The following ASIC2 variants were observed in gnomAD, a reference collection of about 807,000 sequenced individuals.
ASIC2 encodes the protein acid-sensing ion channel 2.
Under a neutral mutation model 57.3 loss-of-function variants are expected in ASIC2, and 25 were observed. That is an observed-to-expected ratio of 0.44 (90% CI 0.32 to 0.61). ASIC2 has a LOEUF of 0.61. Among genes scored for constraint, ASIC2 ranks in the 20% least tolerant of loss-of-function variants. The probability of loss-of-function intolerance (pLI) is 0.06; values close to 1 mark genes in which losing one functional copy is unlikely to be tolerated. For missense variants in ASIC2, 641 were observed against 738.1 expected, an observed-to-expected ratio of 0.87 and a Z score of 1.52; for synonymous variants, 319 against 307.5, an observed-to-expected ratio of 1.04 and a Z score of -0.39.
At chr17:33,929,454 A>C (rs1476903309) in intron 1 of ASIC2, among the ~76,000 whole-genome samples, 1 of 152,210 alleles carries the variant, frequency 6.6e-6, no homozygotes, top group Non-Finnish European at 1.5e-5. Context: ...ACGTTCACCA[A>C]GTAGCCCTGG....
chr17:33,694,793 G>T (rs1043205846), intron 1 of ASIC2, among the ~76,000 whole-genome samples: 3 of 152,094 alleles, frequency 2.0e-5, no homozygotes, highest in African/African-American at 7.2e-5. Context: ...CATCTCTCAG[G>T]GTGAGTGGGA....
chr17:33,392,173 TCC>T (rs1909917087), intron 1 of ASIC2, among the ~76,000 whole-genome samples: 7 of 20,026 alleles, frequency 3.5e-4, no homozygotes, highest in Non-Finnish European at 7.2e-4. Flanking sequence ...TTTCCTTTCT[TCC>T]TTCCTTCCTT....
chr17:33,834,113 A>G (rs1038289533), intron 1 of ASIC2: 1 of 152,262 alleles, frequency 6.6e-6, no homozygotes, highest in Non-Finnish European at 1.5e-5. Context: ...GCATGTTTAG[A>G]CAGTTTAACT....
chr17:33,063,149 T>A (rs552235869), intron 3 of ASIC2, among the ~76,000 whole-genome samples: 4 of 152,372 alleles, frequency 2.6e-5, no homozygotes, highest in African/African-American at 7.2e-5. Context: ...TTGGAGCATT[T>A]AGCACATTTA....
At chr17:33,980,338 C>G (rs199664889) in intron 1 of ASIC2, among the ~76,000 whole-genome samples, 1 of 152,222 alleles carries the variant, frequency 6.6e-6, no homozygotes, top group Non-Finnish European at 1.5e-5. Context: ...GTGTCTCCAT[C>G]TCTACCACTT....
intron 1 of ASIC2, among the ~76,000 whole-genome samples, chr17:33,859,795 C>T (rs1021466295): frequency 2.0e-5 from 3 of 152,162 alleles, no homozygotes; most frequent in Non-Finnish European, 4.4e-5. Flanking sequence ...AGCTATCCTC[C>T]CATCTCAGCC....
chr17:33,073,866 T>A (rs546960364), intron 3 of ASIC2, among the ~76,000 whole-genome samples: 1 of 152,006 alleles, frequency 6.6e-6, no homozygotes, highest in African/African-American at 2.4e-5. Flanking sequence ...TTTGAGGAAG[T>A]GGAACCTTGT....
intron 1 of ASIC2, among the ~76,000 whole-genome samples, chr17:33,783,847 A>T (rs1911526590): frequency 6.6e-6 from 1 of 152,218 alleles, no homozygotes; most frequent in African/African-American, 2.4e-5. Context: ...ATTTAGCTGG[A>T]TAGTCAGCAA....
chr17:33,508,330 T>A (rs190353401), intron 1 of ASIC2, among the ~76,000 whole-genome samples: 11 of 152,268 alleles, frequency 7.2e-5, no homozygotes, highest in Non-Finnish European at 1.6e-4. Flanking sequence ...TTTGAGGAGA[T>A]GAAGCCTGCA....
At chr17:33,883,099 T>TGTG (rs915666811) in intron 1 of ASIC2, among the ~76,000 whole-genome samples, 11 of 150,362 alleles carry the variant, frequency 7.3e-5, no homozygotes, top group Non-Finnish European at 1.3e-4. Context: ...TGTTGTGGGG[T>TGTG]GGGAGGAGAG....
rs570782575 is a variant in ASIC2 at position 33,022,748 on chromosome 17, T to A, written c.1349+1113A>T. 1.6e-3 allele frequency among the ~76,000 whole-genome samples: 242 copies of A among 152,296 alleles called. 6 individuals are homozygous for A. The South Asian group carries it at 0.049, about 31-fold the overall frequency. The stretch of plus-strand genomic sequence containing the variant: ...GGCAGACAACAGAGAACAAAAAAGA[T>A]AGTTTCCTGCCCTCAGGGGCTTTCA... On this transcript the variant is annotated intron_variant, in intron 6 of 9. Coordinates refer to ENST00000225823, the MANE Select transcript of ASIC2 (RefSeq NM_183377.2).
At position 33,827,540 on chromosome 17, in the gene ASIC2, T is replaced by G. The variant is rs1367528976; in HGVS notation, c.555+328438A>C. 2.1e-4 allele frequency among the ~76,000 whole-genome samples: 31 copies of G among 150,706 alleles called. No individual in the cohort carries two copies. In the East Asian group the frequency reaches 4.9e-3, roughly 24 times the overall value. Reference sequence around the variant, plus strand: ...TTTGTATTTTTAGTAAAGATGGGGTTTCACCATGTTAGCCAGGATGGTCTT... The same window carrying G: ...TTTGTATTTTTAGTAAAGATGGGGTGTCACCATGTTAGCCAGGATGGTCTT... On this transcript the variant is annotated intron_variant, in intron 1 of 9. Transcript: ENST00000359872.
intron 3 of ASIC2, among the ~76,000 whole-genome samples, chr17:33,049,811 C>T (rs867178085): frequency 6.6e-6 from 1 of 152,116 alleles, no homozygotes; most frequent in Non-Finnish European, 1.5e-5. Context: ...ATAAAACAGG[C>T]GCTCCAAAGT....
At chr17:33,248,002 G>A (rs112645365) in intron 1 of ASIC2, among the ~76,000 whole-genome samples, 79 of 152,256 alleles carry the variant, frequency 5.2e-4, no homozygotes, top group African/African-American at 1.8e-3. Context: ...TAGCATGTTC[G>A]AAGGTGATAG....
chr17:34,088,073 T>C (rs1910177885), intron 1 of ASIC2, among the ~76,000 whole-genome samples: 1 of 152,238 alleles, frequency 6.6e-6, no homozygotes, highest in South Asian at 2.1e-4. Flanking sequence ...CTTTGTTCCA[T>C]TGCTGGTGAG....
chr17:33,237,653 G>A (rs1286568781), intron 1 of ASIC2, among the ~76,000 whole-genome samples: 2 of 152,148 alleles, frequency 1.3e-5, no homozygotes, highest in Admixed American at 6.5e-5. Context: ...TTGACTCTGG[G>A]CAAGTTCTTT....
chr17:33,263,247 A>T (rs1424545285), intron 1 of ASIC2, among the ~76,000 whole-genome samples: 1 of 152,108 alleles, frequency 6.6e-6, no homozygotes, highest in Non-Finnish European at 1.5e-5. Flanking sequence ...TACATGATTC[A>T]CCCGCTGTCT....
At chr17:33,772,511 G>A (rs534217615) in intron 1 of ASIC2, among the ~76,000 whole-genome samples, 72 of 152,268 alleles carry the variant, frequency 4.7e-4, no homozygotes, top group African/African-American at 1.7e-3. Flanking sequence ...TGCTTTATGT[G>A]TGTGATTTCT....
intron 1 of ASIC2, among the ~76,000 whole-genome samples, chr17:33,544,882 G>A (rs1017765345): frequency 6.7e-5 from 10 of 150,212 alleles, no homozygotes; most frequent in African/African-American, 2.5e-4. Flanking sequence ...TTATATTTTT[G>A]TCCCCCGGAG....
Sources: allele counts gnomAD v4.1 joint callset (sites outside exome capture counted in the v4.1 genomes callset), GRCh38; gene constraint gnomAD v4.1.1; transcripts MANE v1.5; gene names NCBI Gene and HGNC (gene_info 2026-07-23, HGNC 2026-07-21).